The following CAND1 variants were observed in gnomAD, a reference collection of about 807,000 sequenced individuals.
CAND1 encodes the protein cullin-associated NEDD8-dissociated protein 1.
In CAND1, 7 loss-of-function variants were observed where a neutral mutation model predicts 108.5. The observed-to-expected ratio is 0.06, with a 90% confidence interval of 0.04 to 0.12. CAND1 has a LOEUF of 0.12. Ranked by LOEUF, CAND1 falls within the 10% of genes least tolerant of loss-of-function variation. The pLI, the probability that CAND1 is intolerant of heterozygous loss-of-function variation, is 1.00. For synonymous variants in CAND1, 534 were observed against 512.0 expected (o/e 1.04, Z -0.58); for missense variants, 941 against 1,448.7 (o/e 0.65, Z 5.69).
At position 67,269,641 on chromosome 12, in the gene CAND1, A is replaced by AGTGGCG; in HGVS notation, c.-75_-70dup. On this transcript the variant is annotated 5_prime_UTR_variant, in exon 1 of 15. Coordinates refer to ENST00000545606, the MANE Select transcript of CAND1 (RefSeq NM_018448.5). Reference sequence around the variant, plus strand: ...CGCCGCGAGCGAGAGGAGGAGCTCCAGTGGCGGCGGCGGCGGCGGCAGCGG... The same window carrying AGTGGCG: ...CGCCGCGAGCGAGAGGAGGAGCTCCAGTGGCGGTGGCGGCGGCGGCGGCGGCAGCGG... 3.1e-6 allele frequency: 4 copies of AGTGGCG among 1,279,444 alleles called. No homozygotes were observed. The South Asian group carries it at 4.9e-5, about 16-fold the overall frequency. The allele number at this position is 1,279,444 out of a possible 1,614,324, so 79.3% of individuals were successfully genotyped here.
At chr12:67,282,776 A>G (rs947039036) in intron 2 of CAND1, among the ~76,000 whole-genome samples, 3 of 152,240 alleles carry the variant, frequency 2.0e-5, no homozygotes, top group African/African-American at 7.2e-5. Flanking sequence ...ATGATACAAT[A>G]TATATATCAT....
At chr12:67,308,650 A>T (rs1450731645) in intron 11 of CAND1, among the ~76,000 whole-genome samples, 1 of 152,068 alleles carries the variant, frequency 6.6e-6, no homozygotes, top group African/African-American at 2.4e-5. Flanking sequence ...TTGCTAGTTC[A>T]TGACACCATT....
chr12:67,270,035 T>TAGG, intron 1 of CAND1: 1 of 483,126 alleles, frequency 2.1e-6, no homozygotes, highest in Non-Finnish European at 3.6e-6. Context: ...TTTGCTTGTC[T>TAGG]CAGCGCCCCC....
Position 67,269,587 on chromosome 12 carries a change from C to T in CAND1, c.-131C>T. 1.4e-6 allele frequency: 1 copy of T among 700,764 alleles called. No individual in the cohort carries two copies. Among genetic ancestry groups the T allele is most frequent in the South Asian group, 1.8e-5 (1 of 54,072 alleles). The allele number at this position is 700,764 out of a possible 1,614,324, so 43.4% of individuals were successfully genotyped here. A position where few individuals can be genotyped will look rare whatever the true frequency, so the allele number is the denominator to read the frequency against. The stretch of plus-strand genomic sequence containing the variant: ...GAGGCGCCTCCCTAGTCAGCGTCGG[C>T]GTCGCGCTGCGACCCTGGAAGCGGG... On this transcript the variant is annotated 5_prime_UTR_variant, in exon 1 of 15. Coordinates refer to ENST00000545606, the MANE Select transcript of CAND1 (RefSeq NM_018448.5).
chr12:67,292,705 A>G lies in CAND1; in HGVS notation c.296A>G (p.Lys99Arg), dbSNP rs1348611270. Residue 99 changes from lysine to arginine, a missense_variant, in exon 3 of 15, where the codon AAA becomes AGA. Coordinates refer to ENST00000545606, the MANE Select transcript of CAND1 (RefSeq NM_018448.5). ...DTLCTNMLSDKEQLRDISSIG... is the reference protein window; with the variant it reads ...DTLCTNMLSDREQLRDISSIG... Reference sequence around the variant, plus strand: ...CTCTGCACTAACATGCTTTCTGATAAAGAACAACTTCGAGACATTTCAAGT... The same window carrying G: ...CTCTGCACTAACATGCTTTCTGATAGAGAACAACTTCGAGACATTTCAAGT... The G allele has an allele frequency of 1.9e-6, 3 of 1,613,874 alleles. No individual in the cohort carries two copies. Among genetic ancestry groups the G allele is most frequent in the Non-Finnish European group, 2.5e-6 (3 of 1,179,850 alleles).
At position 67,294,997 on chromosome 12, in the gene CAND1, T is replaced by C. The variant is rs767938783; in HGVS notation, c.368-36T>C. 3 of 1,596,900 alleles carry C rather than the reference T, an allele frequency of 1.9e-6. No homozygotes were observed. The South Asian group carries it at 3.4e-5, about 18-fold the overall frequency. ...AATATAAGAGGGAATTCAACATGCT[T>C]GCCTTGAAATTATTATTGGCTTCTT... On this transcript the variant is annotated intron_variant, in intron 3 of 14. Transcript: ENST00000545606.
rs530688921 is a variant in CAND1 at position 67,296,674 on chromosome 12, A to G, written c.492-733A>G. Among the ~76,000 whole-genome samples the G allele has an allele frequency of 2.0e-5, 3 of 152,314 alleles. 1 individual carries two copies. In the East Asian group the frequency reaches 5.8e-4, roughly 29 times the overall value. On this transcript the variant is annotated intron_variant, in intron 4 of 14. Transcript: ENST00000545606. ...GGTCTCGAACGCCTAACCTCAAGTT[A>G]TCCACCCGCCTGAGCCTCCCAAAGT...
chr12:67,281,990 T>C lies in CAND1; in HGVS notation c.149T>C (p.Val50Ala). ...GATGATGATAGTGAAAGGAAAGTAG[T>C]GAAAATGATTTTGAAGTTATTGGAA... ...KLDDDSERKV[V>A]KMILKLLEDK... The change falls in exon 2 of 15, where the codon GTG becomes GCG. Residue 50 changes from valine (V) to alanine (A), a missense_variant. By Grantham distance (64) the Val-to-Ala change is moderately conservative. Transcript: ENST00000545606. 1 of 1,611,580 alleles carries C rather than the reference T, an allele frequency of 6.2e-7. No homozygotes were observed. The highest frequency in any genetic ancestry group is 8.5e-7 in the Non-Finnish European group (1 of 1,178,526).
intron 8 of CAND1, 119 bp downstream of exon 8, chr12:67,302,734 T>A: frequency 1.2e-6 from 1 of 811,732 alleles, no homozygotes; most frequent in South Asian, 1.8e-5. Context: ...TTCTAGGATA[T>A]GTTTATATAG....
intron 2 of CAND1, among the ~76,000 whole-genome samples, chr12:67,290,054 A>G (rs1043246603): frequency 3.3e-5 from 5 of 152,204 alleles, no homozygotes; most frequent in African/African-American, 9.6e-5. Context: ...GTAATATCAT[A>G]GGTGGTTATT....
chr12:67,299,697 C>T (rs1027258226), intron 7 of CAND1, among the ~76,000 whole-genome samples: 7 of 152,014 alleles, frequency 4.6e-5, no homozygotes, highest in Admixed American at 3.9e-4. Flanking sequence ...TGTAATCACA[C>T]GATGATTTAT....
intron 1 of CAND1, among the ~76,000 whole-genome samples, chr12:67,281,078 A>G (rs1235898758): frequency 6.6e-6 from 1 of 151,612 alleles, no homozygotes; most frequent in Non-Finnish European, 1.5e-5. Flanking sequence ...CTAAAATACA[A>G]TAATACTAAA....
chr12:67,306,137 A>G lies in CAND1; in HGVS notation c.2469A>G (p.Gln823=), dbSNP rs2044881676. The G allele has an allele frequency of 3.1e-6, 5 of 1,614,160 alleles. No individual in the cohort carries two copies. The East Asian group carries it at 1.1e-4, about 36-fold the overall frequency. The change falls in exon 10 of 15, where the codon CAA becomes CAG. Residue 823 remains glutamine (Q), a synonymous_variant. Coordinates refer to ENST00000545606, the MANE Select transcript of CAND1 (RefSeq NM_018448.5). ...CAGCTGTAGTAGGTCAGTTTATTCA[A>G]GATGTCAAGAACTCAAGGTCTACAG... ...EGPAVVGQFI[Q]DVKNSRSTDS...
intron 2 of CAND1, among the ~76,000 whole-genome samples, chr12:67,286,046 C>A (rs987384142): frequency 1.3e-5 from 2 of 152,090 alleles, no homozygotes; most frequent in African/African-American, 4.8e-5. Flanking sequence ...CTCGCTCAGT[C>A]GCCCTGGCTG....
rs1263709362 is a variant in CAND1, at chr12:67,310,113, A to G, written c.3196-39A>G. The G allele has an allele frequency of 2.5e-6, 4 of 1,609,568 alleles. No homozygotes were observed. The East Asian group carries it at 6.7e-5, about 27-fold the overall frequency. On this transcript the variant is annotated intron_variant, in intron 12 of 14. Transcript: ENST00000545606. ...GTTTATTTGAGCTTGTCTTTGACTT[A>G]AGTATTGTATATCCACACGTTCTTT...
chr12:67,308,896 C>T (rs2044918045), intron 11 of CAND1, among the ~76,000 whole-genome samples: 1 of 151,830 alleles, frequency 6.6e-6, no homozygotes, highest in Non-Finnish European at 1.5e-5. Flanking sequence ...TGAAGTCTCT[C>T]TTTCCTCCCA....
intron 1 of CAND1, among the ~76,000 whole-genome samples, chr12:67,272,324 A>C (rs1460180712): frequency 2.0e-5 from 3 of 152,240 alleles, no homozygotes; most frequent in African/African-American, 7.2e-5. Flanking sequence ...GTAAGATCTT[A>C]TGCAAGCTAT....
intron 1 of CAND1, among the ~76,000 whole-genome samples, chr12:67,281,162 A>T (rs1377087412): frequency 6.6e-6 from 1 of 151,136 alleles, no homozygotes; most frequent in Non-Finnish European, 1.5e-5. Context: ...TTGTATAGTA[A>T]ATACTAAAAA....
At chr12:67,288,004 G>A (rs1329913485) in intron 2 of CAND1, among the ~76,000 whole-genome samples, 1 of 151,006 alleles carries the variant, frequency 6.6e-6, no homozygotes, top group African/African-American at 2.4e-5. Context: ...TTTGTTTTGT[G>A]GTGTACCACA....
Sources: allele counts gnomAD v4.1 joint callset (sites outside exome capture counted in the v4.1 genomes callset), GRCh38; gene constraint gnomAD v4.1.1; transcripts MANE v1.5; gene names NCBI Gene and HGNC (gene_info 2026-07-23, HGNC 2026-07-21).